Variants in TENM3 observed in about 807,000 individuals in gnomAD.
TENM3 encodes the protein teneurin transmembrane protein 3.
In TENM3, 63 loss-of-function variants were observed where a neutral mutation model predicts 255.1. That is an observed-to-expected ratio of 0.25 (90% confidence interval 0.20 to 0.30). The LOEUF (loss-of-function observed/expected upper bound fraction) is 0.30. Among genes scored for constraint, TENM3 ranks in the 10% least tolerant of loss-of-function variants. The probability of loss-of-function intolerance (pLI) is 1.00; values close to 1 mark genes in which losing one functional copy is unlikely to be tolerated. For missense variants in TENM3, 2,929 were observed against 3,461.1 expected (o/e 0.85, Z 3.86); for synonymous variants, 1,306 against 1,322.3 (o/e 0.99, Z 0.27).
the TENM3 span, among the ~76,000 whole-genome samples, chr4:182,069,686 AACACACACAC>A: frequency 1.7e-4 from 25 of 149,540 alleles, no homozygotes; most frequent in African/African-American, 2.5e-4. Context: ...TAGATGCATA[AACACACACAC>A]ACACACACAC....
the TENM3 span, among the ~76,000 whole-genome samples, chr4:181,479,761 G>C: frequency 6.6e-6 from 1 of 152,076 alleles, no homozygotes; most frequent in African/African-American, 2.4e-5. Flanking sequence ...TTTATAAAAA[G>C]ATTGAAATGT....
Position 182,726,146 on chromosome 4 carries a change from A to G in TENM3, c.2369-2819A>G, listed in dbSNP as rs908024225. 2.0e-5 allele frequency among the ~76,000 whole-genome samples: 3 copies of G among 152,200 alleles called. No individual in the cohort carries two copies. The East Asian group carries it at 5.8e-4, about 29-fold the overall frequency. ...ATTATGGTAACAAAAAACTTAAAATATTAGTGTGAAAAGAGTCCAACTTTA... is the reference window on the plus strand; with the variant it reads ...ATTATGGTAACAAAAAACTTAAAATGTTAGTGTGAAAAGAGTCCAACTTTA... On this transcript the variant is annotated intron_variant, in intron 13 of 27. Transcript: ENST00000511685.
the TENM3 span, among the ~76,000 whole-genome samples, chr4:181,528,172 T>C: frequency 6.6e-6 from 1 of 151,068 alleles, no homozygotes; most frequent in African/African-American, 2.4e-5. Context: ...AGATACTTAA[T>C]ATACATATTT....
At chr4:181,951,403 G>T in the TENM3 span, among the ~76,000 whole-genome samples, 1 of 152,336 alleles carries the variant, frequency 6.6e-6, no homozygotes, top group South Asian at 2.1e-4. Context: ...TAGCATGAGT[G>T]TACAGACCTG....
intron 26 of TENM3, among the ~76,000 whole-genome samples, chr4:182,795,744 G>C (rs951015122): frequency 6.6e-6 from 1 of 152,112 alleles, no homozygotes; most frequent in Non-Finnish European, 1.5e-5. Flanking sequence ...TGGACTGCAG[G>C]GAATGCCATA....
intron 3 of TENM3, among the ~76,000 whole-genome samples, chr4:182,453,229 C>T (rs1264081367): frequency 6.6e-6 from 1 of 152,058 alleles, no homozygotes; most frequent in South Asian, 2.1e-4. Context: ...TTACTATTGG[C>T]AGTTGTTTTG....
intron 3 of TENM3, among the ~76,000 whole-genome samples, chr4:182,470,626 T>C (rs1443270262): frequency 2.0e-5 from 3 of 152,106 alleles, no homozygotes; most frequent in Non-Finnish European, 2.9e-5. Context: ...ATAAAACACA[T>C]TGTAAGGACC....
the TENM3 span, among the ~76,000 whole-genome samples, chr4:181,841,787 A>T: frequency 1.3e-5 from 2 of 152,172 alleles, no homozygotes; most frequent in Non-Finnish European, 2.9e-5. Flanking sequence ...AGTGCCAAAA[A>T]ATTACATCAA....
chr4:181,470,852 A>G, the TENM3 span, among the ~76,000 whole-genome samples: 1 of 152,300 alleles, frequency 6.6e-6, no homozygotes, highest in South Asian at 2.1e-4. Flanking sequence ...TTGTAAGGTG[A>G]AAAAAAGTTT....
chr4:182,396,382 C>T (rs1357385392), intron 3 of TENM3, among the ~76,000 whole-genome samples: 1 of 152,182 alleles, frequency 6.6e-6, no homozygotes, highest in African/African-American at 2.4e-5. Flanking sequence ...CTTTCATTTA[C>T]TTATTGAAAT....
chr4:182,368,915 G>C (rs1447113749), intron 3 of TENM3, among the ~76,000 whole-genome samples: 4 of 152,020 alleles, frequency 2.6e-5, no homozygotes, highest in Admixed American at 2.0e-4. Context: ...CTCCTATTTC[G>C]ATCATATGTT....
chr4:181,832,105 T>C, the TENM3 span, among the ~76,000 whole-genome samples: 77 of 151,750 alleles, frequency 5.1e-4, no homozygotes, highest in African/African-American at 1.8e-3. Flanking sequence ...TAGGTAATTA[T>C]ATGGGAGGAA....
At chr4:182,220,402 A>AAAAAT (rs1755781578) in intron 1 of TENM3, among the ~76,000 whole-genome samples, 1 of 146,432 alleles carries the variant, frequency 6.8e-6, no homozygotes, top group Non-Finnish European at 1.5e-5. Flanking sequence ...AAAAAAAAAA[A>AAAAAT]GTCGGCTTGA....
chr4:181,769,784 T>C, the TENM3 span, among the ~76,000 whole-genome samples: 1 of 152,200 alleles, frequency 6.6e-6, no homozygotes. Flanking sequence ...AGCCATAATA[T>C]GTAGGAGGAA....
intron 3 of TENM3, among the ~76,000 whole-genome samples, chr4:182,388,943 T>A (rs1768209199): frequency 1.3e-5 from 2 of 152,160 alleles, no homozygotes; most frequent in Non-Finnish European, 2.9e-5. Context: ...TTCTAGACCT[T>A]CCTTTGCACT....
chr4:182,329,974 T>C (rs1456589691), intron 2 of TENM3, among the ~76,000 whole-genome samples: 1 of 152,124 alleles, frequency 6.6e-6, no homozygotes, highest in Admixed American at 6.5e-5. Context: ...CAGGTTACTT[T>C]TTTTTACTTA....
At chr4:181,910,383 G>A in the TENM3 span, among the ~76,000 whole-genome samples, 19 of 151,554 alleles carry the variant, frequency 1.3e-4, no homozygotes, top group Admixed American at 1.3e-3. Context: ...TGGCCAATAT[G>A]GTGAAACCCC....
At chr4:182,263,887 G>C (rs536383778) in intron 1 of TENM3, among the ~76,000 whole-genome samples, 1 of 152,134 alleles carries the variant, frequency 6.6e-6, no homozygotes. Flanking sequence ...AAGCAGAGTG[G>C]CTAATGTCTG....
At chr4:181,845,146 G>A in the TENM3 span, among the ~76,000 whole-genome samples, 1 of 152,058 alleles carries the variant, frequency 6.6e-6, no homozygotes, top group Admixed American at 6.5e-5. Context: ...ACTTTGTTCT[G>A]GGAATTGTTT....
Sources: allele counts gnomAD v4.1 joint callset (sites outside exome capture counted in the v4.1 genomes callset), GRCh38; gene constraint gnomAD v4.1.1; transcripts MANE v1.5; gene names NCBI Gene and HGNC (gene_info 2026-07-23, HGNC 2026-07-21).